The following RBFOX1 variants were observed in gnomAD, a reference collection of about 807,000 sequenced individuals.
RBFOX1 encodes RNA binding fox-1 homolog 1.
In RBFOX1, 8 loss-of-function variants were observed where a neutral mutation model predicts 57.7. The ratio of observed to expected loss-of-function variants is 0.14; its 90% CI spans 0.08 to 0.25. The LOEUF is 0.25. Among genes scored for constraint, RBFOX1 ranks in the 10% least tolerant of loss-of-function variants. The pLI is 1.00. For missense variants in RBFOX1, 611 were observed against 548.5 expected (o/e 1.11, Z -1.14); for synonymous variants, 326 against 222.4 (o/e 1.47, Z -4.15).
chr16:7,314,279 T>C (rs894030095), intron 4 of RBFOX1, among the ~76,000 whole-genome samples: 1 of 152,196 alleles, frequency 6.6e-6, no homozygotes, highest in South Asian at 2.1e-4. Context: ...TAATGATTTA[T>C]ACACCCCGCA....
intron 1 of RBFOX1, among the ~76,000 whole-genome samples, chr16:6,286,929 TA>T (rs2076964679): frequency 6.6e-6 from 1 of 152,180 alleles, no homozygotes; most frequent in Non-Finnish European, 1.5e-5. Context: ...GCTCAGCAAC[TA>T]TATAGTGGTA....
At chr16:5,509,699 G>T (rs1400974512) in intron 2 of RBFOX1, among the ~76,000 whole-genome samples, 2 of 152,182 alleles carry the variant, frequency 1.3e-5, no homozygotes, top group African/African-American at 2.4e-5. Flanking sequence ...CAGGAGAGCT[G>T]ATGGAGGAGG....
chr16:6,473,488 T>C (rs2095223834), intron 2 of RBFOX1, among the ~76,000 whole-genome samples: 1 of 152,172 alleles, frequency 6.6e-6, no homozygotes, highest in African/African-American at 2.4e-5. Flanking sequence ...TCTCCTTGTT[T>C]CTTATCTGTC....
chr16:7,238,658 C>T (rs750273425), intron 4 of RBFOX1, among the ~76,000 whole-genome samples: 18 of 152,092 alleles, frequency 1.2e-4, no homozygotes, highest in Non-Finnish European at 1.8e-4. Context: ...TTTATTTTAT[C>T]TTCAGGGGTA....
chr16:7,705,204 A>C (rs2082046535), intron 14 of RBFOX1, among the ~76,000 whole-genome samples: 1 of 151,678 alleles, frequency 6.6e-6, no homozygotes, highest in Admixed American at 6.6e-5. Flanking sequence ...GTGTGCAGGA[A>C]CGATCAAGAA....
chr16:6,576,379 G>A (rs1345428556), intron 2 of RBFOX1, among the ~76,000 whole-genome samples: 1 of 152,176 alleles, frequency 6.6e-6, no homozygotes, highest in Non-Finnish European at 1.5e-5. Context: ...AACCTACGCA[G>A]ACATGGGGAG....
At chr16:6,145,576 A>G (rs1368364261) in intron 1 of RBFOX1, among the ~76,000 whole-genome samples, 1 of 152,166 alleles carries the variant, frequency 6.6e-6, no homozygotes, top group African/African-American at 2.4e-5. Context: ...TGAAAATCCT[A>G]TATTTCCTTT....
chr16:7,178,058 T>C (rs2082014346), intron 4 of RBFOX1, among the ~76,000 whole-genome samples: 1 of 152,246 alleles, frequency 6.6e-6, no homozygotes, highest in South Asian at 2.1e-4. Flanking sequence ...GTTGTACAGA[T>C]GCAGAAAGTC....
chr16:6,186,132 T>C (rs1275027575), intron 1 of RBFOX1, among the ~76,000 whole-genome samples: 1 of 152,196 alleles, frequency 6.6e-6, no homozygotes, highest in Admixed American at 6.5e-5. Flanking sequence ...TTTTTTTGGC[T>C]GTGATCTGTA....
chr16:6,454,856 A>G (rs1247913439), intron 2 of RBFOX1, among the ~76,000 whole-genome samples: 1 of 83,574 alleles, frequency 1.2e-5, no homozygotes, highest in Non-Finnish European at 2.3e-5. Flanking sequence ...CTCCTCATAT[A>G]CAGGTTTTTT....
At chr16:5,932,936 C>G (rs1195439772) in intron 4 of RBFOX1, among the ~76,000 whole-genome samples, 1 of 152,086 alleles carries the variant, frequency 6.6e-6, no homozygotes, top group East Asian at 1.9e-4. Context: ...GTAAAGCTCT[C>G]AAAATTATTA....
chr16:6,516,413 T>C (rs2096379203), intron 2 of RBFOX1, among the ~76,000 whole-genome samples: 1 of 152,154 alleles, frequency 6.6e-6, no homozygotes, highest in African/African-American at 2.4e-5. Context: ...TAATAAAAGG[T>C]GATCATGGAA....
At chr16:5,355,183 G>A (rs541431473) in intron 1 of RBFOX1, among the ~76,000 whole-genome samples, 3 of 152,280 alleles carry the variant, frequency 2.0e-5, no homozygotes, top group Middle Eastern at 3.4e-3. Flanking sequence ...GAGAAATGGA[G>A]CTTCTGTGAG....
intron 3 of RBFOX1, among the ~76,000 whole-genome samples, chr16:5,808,710 GCT>G (rs1269485859): frequency 2.0e-5 from 3 of 151,968 alleles, no homozygotes; most frequent in Non-Finnish European, 4.4e-5. Context: ...TCATGATTTG[GCT>G]CTCTGTTTGT....
intron 1 of RBFOX1, among the ~76,000 whole-genome samples, chr16:5,354,732 C>G (rs1395178273): frequency 6.6e-6 from 1 of 152,170 alleles, no homozygotes; most frequent in Non-Finnish European, 1.5e-5. Flanking sequence ...ATAGGACAAA[C>G]GTTCACGCAG....
At chr16:7,558,296 G>C (rs901294183) in intron 5 of RBFOX1, among the ~76,000 whole-genome samples, 3 of 152,076 alleles carry the variant, frequency 2.0e-5, no homozygotes, top group African/African-American at 2.4e-5. Flanking sequence ...CGCGGCTGCA[G>C]TGAGCCATGA....
intron 2 of RBFOX1, among the ~76,000 whole-genome samples, chr16:5,492,140 C>A (rs908150884): frequency 1.3e-5 from 2 of 152,164 alleles, no homozygotes; most frequent in South Asian, 4.1e-4. Flanking sequence ...TGTGTTTCAG[C>A]AAGCCCTCCA....
At position 6,242,247 on chromosome 16, in the gene RBFOX1, T is replaced by C. The variant is rs375059783; in HGVS notation, c.-126-74748T>C. Among the ~76,000 whole-genome samples, 9 of 152,212 alleles carry C rather than the reference T, an allele frequency of 5.9e-5. No individual in the cohort carries two copies. The East Asian group carries it at 9.6e-4, about 16-fold the overall frequency. On this transcript the variant is annotated intron_variant, in intron 1 of 15. Coordinates refer to ENST00000550418, the MANE Select transcript of RBFOX1 (RefSeq NM_018723.4). ...CATTCTCTCTATATATAAGTATATG[T>C]TGTTTATTCAAACAGGATCATATCC...
intron 2 of RBFOX1, among the ~76,000 whole-genome samples, chr16:6,611,637 C>A (rs1455899373): frequency 6.6e-6 from 1 of 152,180 alleles, no homozygotes; most frequent in Non-Finnish European, 1.5e-5. Context: ...ATGCTCAGAG[C>A]TTTCTTTCTC....
Sources: gnomAD v4.1 joint callset for allele counts (sites outside exome capture counted in the v4.1 genomes callset) on GRCh38, gnomAD v4.1.1 for gene constraint, MANE v1.5 for transcripts, NCBI Gene and HGNC (gene_info 2026-07-23, HGNC 2026-07-21) for gene names.